Variants in MLIP observed in about 807,000 individuals in gnomAD.
The protein encoded by MLIP is muscular LMNA interacting protein, also known as muscular LMNA-interacting protein.
MLIP carries 79 observed loss-of-function variants against 84.8 expected under a neutral mutation model. That is an observed-to-expected ratio of 0.93 (90% CI 0.78 to 1.12). MLIP has a LOEUF of 1.12. Ranked by LOEUF, MLIP falls within the 50% of genes most tolerant of loss-of-function variation. MLIP has a pLI of 0.00. For synonymous variants in MLIP, 504 were observed against 463.0 expected (o/e 1.09, Z -1.14); for missense variants, 1,257 against 1,160.6 (o/e 1.08, Z -1.21).
chr6:54,236,358 T>C (rs1781360515), intron 12 of MLIP, among the ~76,000 whole-genome samples: 1 of 152,180 alleles, frequency 6.6e-6, no homozygotes, highest in South Asian at 2.1e-4. Context: ...CCCAGCACTT[T>C]GGGAGGCCAA....
intron 9 of MLIP, among the ~76,000 whole-genome samples, chr6:54,171,164 C>T (rs1434826348): frequency 6.6e-6 from 1 of 151,512 alleles, no homozygotes; most frequent in East Asian, 1.9e-4. Context: ...TCTTCAATCT[C>T]CATAGTTAGA....
At chr6:54,128,516 TA>T (rs2150457688) in intron 3 of MLIP, among the ~76,000 whole-genome samples, 1 of 152,244 alleles carries the variant, frequency 6.6e-6, no homozygotes, top group Non-Finnish European at 1.5e-5. Flanking sequence ...AAGAGGAGTC[TA>T]TAGTAGAATA....
chr6:54,139,577 A>C (rs1203084691), intron 4 of MLIP, among the ~76,000 whole-genome samples: 1 of 152,180 alleles, frequency 6.6e-6, no homozygotes, highest in Non-Finnish European at 1.5e-5. Flanking sequence ...TGAGTCAGGA[A>C]CTATGCTAGT....
intron 1 of MLIP, among the ~76,000 whole-genome samples, chr6:54,072,415 G>A (rs112905764): frequency 1.6e-4 from 24 of 152,260 alleles, no homozygotes; most frequent in African/African-American, 5.5e-4. Context: ...CTGTCTTAGG[G>A]TAATGGGTCT....
At chr6:54,249,746 T>TATATACACAC (rs71724053) in intron 12 of MLIP, among the ~76,000 whole-genome samples, 1 of 150,322 alleles carries the variant, frequency 6.7e-6, no homozygotes, top group African/African-American at 2.5e-5. Flanking sequence ...TATATATATA[T>TATATACACAC]ACACACACAC....
rs1764824558 is a variant in MLIP, at chr6:54,042,852, A to G, written c.63+23761A>G. 5.3e-5 allele frequency among the ~76,000 whole-genome samples: 8 copies of G among 152,298 alleles called. No homozygotes were observed. The South Asian group carries it at 1.7e-3, about 32-fold the overall frequency. ...AATTTGGAAATGTAGGAATCTATTC[A>G]TTACTACTGCAACCACCATCATTAT... On this transcript the variant is annotated intron_variant, in intron 1 of 12. Transcript: ENST00000274897.
chr6:54,232,113 A>G (rs1002056056), intron 12 of MLIP, among the ~76,000 whole-genome samples: 1 of 152,008 alleles, frequency 6.6e-6, no homozygotes, highest in African/African-American at 2.4e-5. Flanking sequence ...GAGAAAATAT[A>G]ATATTTTAAA....
At chr6:54,145,435 TA>T (rs955100626) in intron 4 of MLIP, among the ~76,000 whole-genome samples, 6 of 152,076 alleles carry the variant, frequency 3.9e-5, no homozygotes, top group African/African-American at 1.4e-4. Context: ...AAAGGGTATG[TA>T]TGTCTTAGAG....
At position 54,121,343 on chromosome 6, in the gene MLIP, G is replaced by A. The variant is rs570030626; in HGVS notation, c.97-104G>A. ...CATATACATGATCACAGGACAATAGGCAATTCATCAAAATAAATGAGATAA... is the reference window on the plus strand; with the variant it reads ...CATATACATGATCACAGGACAATAGACAATTCATCAAAATAAATGAGATAA... On this transcript the variant is annotated intron_variant, in intron 1 of 13. Coordinates refer to ENST00000502396, the MANE Select transcript of MLIP (RefSeq NM_001281747.2). The A allele has an allele frequency of 4.7e-5, 56 of 1,200,060 alleles. No individual in the cohort carries two copies. In the African/African-American group the frequency reaches 7.4e-4, roughly 16 times the overall value. The allele number at this position is 1,200,060 out of a possible 1,614,324, so 74.3% of individuals were successfully genotyped here. A position where few individuals can be genotyped will look rare whatever the true frequency, so the allele number is the denominator to read the frequency against.
At chr6:54,055,329 A>G (rs1384714546) in intron 1 of MLIP, among the ~76,000 whole-genome samples, 2 of 152,218 alleles carry the variant, frequency 1.3e-5, no homozygotes, top group Admixed American at 6.5e-5. Flanking sequence ...ATTGAAAATG[A>G]GGTTATATCA....
At chr6:54,225,296 G>C (rs1780501154) in intron 11 of MLIP, among the ~76,000 whole-genome samples, 1 of 152,072 alleles carries the variant, frequency 6.6e-6, no homozygotes, top group Non-Finnish European at 1.5e-5. Context: ...ATAGCCTATT[G>C]CTCCTAGGCT....
chr6:54,115,818 C>A (rs908430671), intron 1 of MLIP, among the ~76,000 whole-genome samples: 1 of 152,102 alleles, frequency 6.6e-6, no homozygotes, highest in Non-Finnish European at 1.5e-5. Flanking sequence ...AAGGAGGACA[C>A]CTATTTTACT....
In MLIP at chr6:54,230,966, A is replaced by G. The variant is rs373952086; in HGVS notation, c.2922+49A>G. ...GGACTATTCTATTCTGTGAACCTTC[A>G]TTACGCTTGACTTTTAAAACTTAAA... On this transcript the variant is annotated intron_variant, in intron 12 of 13. Transcript: ENST00000502396. 7.3e-5 allele frequency: 113 copies of G among 1,540,166 alleles called. No individual in the cohort carries two copies. In the African/African-American group the frequency reaches 1.5e-3, roughly 20 times the overall value.
At chr6:54,189,377 TAAAA>T (rs1696976565) in intron 9 of MLIP, among the ~76,000 whole-genome samples, 1 of 152,208 alleles carries the variant, frequency 6.6e-6, no homozygotes, top group African/African-American at 2.4e-5. Context: ...TAAACAATTC[TAAAA>T]ACCAAGTCAT....
chr6:54,241,404 G>C (rs1317809531), intron 12 of MLIP, among the ~76,000 whole-genome samples: 1 of 151,782 alleles, frequency 6.6e-6, no homozygotes, highest in African/African-American at 2.4e-5. Flanking sequence ...GGGTTTAGCT[G>C]TTAATCAAAA....
chr6:54,225,139 C>T (rs1780490685), intron 11 of MLIP, among the ~76,000 whole-genome samples: 1 of 152,098 alleles, frequency 6.6e-6, no homozygotes, highest in African/African-American at 2.4e-5. Context: ...GGGAGTTCTA[C>T]TTTTAGTTCT....
chr6:54,253,250 A>T (rs1030998814), intron 12 of MLIP, among the ~76,000 whole-genome samples: 1 of 152,134 alleles, frequency 6.6e-6, no homozygotes, highest in Non-Finnish European at 1.5e-5. Context: ...GGTCTTGAGA[A>T]GGTTATGCTC....
chr6:54,074,523 C>T (rs765998887), intron 1 of MLIP, among the ~76,000 whole-genome samples: 7 of 151,890 alleles, frequency 4.6e-5, no homozygotes, highest in Non-Finnish European at 8.8e-5. Context: ...TGATATTTTG[C>T]GGTAAGAAGG....
intron 4 of MLIP, among the ~76,000 whole-genome samples, chr6:54,147,747 A>G (rs1460779896): frequency 6.6e-6 from 1 of 152,078 alleles, no homozygotes; most frequent in Non-Finnish European, 1.5e-5. Flanking sequence ...GTATATATTC[A>G]TGTGTATGAA....
Sources: allele counts gnomAD v4.1 joint callset (sites outside exome capture counted in the v4.1 genomes callset), GRCh38; gene constraint gnomAD v4.1.1; transcripts MANE v1.5; gene names NCBI Gene and HGNC (gene_info 2026-07-23, HGNC 2026-07-21).